Variants in CDH7 observed in about 807,000 individuals in gnomAD.
CDH7 encodes cadherin 7, also known as cadherin-7.
A neutral mutation model predicts 71.8 loss-of-function variants in CDH7; 25 were observed. The ratio of observed to expected loss-of-function variants is 0.35; its 90% confidence interval spans 0.25 to 0.49. The LOEUF (loss-of-function observed/expected upper bound fraction) is 0.49. Among genes scored for constraint, CDH7 ranks in the 20% least tolerant of loss-of-function variants. CDH7 has a pLI of 0.99. For synonymous variants in CDH7, 381 were observed against 363.8 expected, an observed-to-expected ratio of 1.05 and a Z score of -0.54; for missense variants, 862 against 974.6, an observed-to-expected ratio of 0.88 and a Z score of 1.54.
chr18:65,815,221 C>T (rs550937617), intron 4 of CDH7, among the ~76,000 whole-genome samples: 2 of 152,194 alleles, frequency 1.3e-5, no homozygotes, highest in South Asian at 4.1e-4. Context: ...AAGACTATAA[C>T]ATGGGACATT....
intron 2 of CDH7, 93 bp from the exon 3 acceptor site, chr18:65,809,611 G>T: frequency 9.6e-7 from 1 of 1,039,474 alleles, no homozygotes; most frequent in Non-Finnish European, 1.4e-6. Context: ...AAAATTTCAT[G>T]TACTCCTGCC....
chr18:65,807,213 G>A (rs2143899413), intron 2 of CDH7, among the ~76,000 whole-genome samples: 1 of 152,236 alleles, frequency 6.6e-6, no homozygotes, highest in African/African-American at 2.4e-5. Context: ...TTCTGATGCT[G>A]TCAGTAATGG....
rs1195595544 is a variant in CDH7 at position 65,880,783 on chromosome 18, T to G, written c.2247T>G (p.Asp749Glu). ...GSVAESLSSL[D>E]SISSNSDQNY... ...TTGCTGAATCACTCAGCTCTTTAGATTCCATCAGCTCAAACTCTGATCAGA... is the reference window on the plus strand; with the variant it reads ...TTGCTGAATCACTCAGCTCTTTAGAGTCCATCAGCTCAAACTCTGATCAGA... Residue 749 changes from aspartate (D) to glutamate (E), a missense_variant, in exon 12 of 12, where the codon GAT (aspartate) becomes GAG (glutamate). Physicochemically the swap from Asp to Glu is conservative, Grantham distance 45. Coordinates refer to ENST00000397968, the MANE Select transcript of CDH7 (RefSeq NM_004361.5). 2 of 1,614,028 alleles carry G rather than the reference T, an allele frequency of 1.2e-6. No individual in the cohort carries two copies. Among genetic ancestry groups the G allele is most frequent in the Non-Finnish European group, 1.7e-6 (2 of 1,180,006 alleles).
intron 1 of CDH7, among the ~76,000 whole-genome samples, chr18:65,761,324 A>G (rs903495612): frequency 6.6e-6 from 1 of 151,438 alleles, no homozygotes; most frequent in African/African-American, 2.4e-5. Flanking sequence ...GTATGTATGT[A>G]TATATTTGTT....
intron 2 of CDH7, among the ~76,000 whole-genome samples, chr18:65,799,233 A>G (rs565215428): frequency 1.3e-5 from 2 of 152,042 alleles, no homozygotes; most frequent in Admixed American, 1.3e-4. Context: ...ACCTACGAGG[A>G]TTGTGACACT....
Position 65,882,095 on chromosome 18 carries a change from G to C in CDH7, c.*1201G>C, listed in dbSNP as rs1197705278. 1 of 152,048 alleles carries C rather than the reference G, an allele frequency of 6.6e-6. No homozygotes were observed. The highest frequency in any genetic ancestry group is 2.4e-5 in the African/African-American group (1 of 41,408). The allele number at this position is 152,048 out of a possible 1,614,324, so 9.4% of individuals were successfully genotyped here. ...GCAAACCTATTGAGTAAAATATTGA[G>C]TTTTTAAAAGTCTTAATATAATGTT... On this transcript the variant is annotated 3_prime_UTR_variant, in exon 12 of 12. Transcript: ENST00000397968.
chr18:65,872,659 G>T (rs1913962362), intron 11 of CDH7, among the ~76,000 whole-genome samples: 1 of 152,064 alleles, frequency 6.6e-6, no homozygotes, highest in Non-Finnish European at 1.5e-5. Flanking sequence ...AGTTTGGGAG[G>T]ATGAGGCCAG....
At chr18:65,853,926 T>TATATATATATATATATCC (rs1913246697) in intron 7 of CDH7, among the ~76,000 whole-genome samples, 3 of 95,062 alleles carry the variant, frequency 3.2e-5, no homozygotes, top group African/African-American at 1.2e-4. Context: ...TATATATATA[T>TATATATATATATATATCC]ATATATATAT....
intron 2 of CDH7, among the ~76,000 whole-genome samples, chr18:65,773,440 G>C (rs1916604789): frequency 6.6e-6 from 1 of 151,986 alleles, no homozygotes; most frequent in Non-Finnish European, 1.5e-5. Context: ...GAAATTCTTT[G>C]TACAAATCCC....
At position 65,880,994 on chromosome 18, in the gene CDH7, A is replaced by C; in HGVS notation, c.*100A>C. The C allele has an allele frequency of 8.8e-7, 1 of 1,135,742 alleles. No individual in the cohort carries two copies. The highest frequency in any genetic ancestry group is 1.2e-6 in the Non-Finnish European group (1 of 827,132). 70.4% of individuals were successfully genotyped at this position (1,135,742 alleles called of 1,614,324 possible). On this transcript the variant is annotated 3_prime_UTR_variant, in exon 12 of 12. Coordinates refer to ENST00000397968, the MANE Select transcript of CDH7 (RefSeq NM_004361.5). ...AAACCACTACATACAGAAAACAAGA[A>C]CTCCCCTTGCTGGAGACAGATGGTT...
rs772819952 is a variant in CDH7, at chr18:65,859,698, C to T, written c.1495-10C>T. 1.3e-6 allele frequency: 2 copies of T among 1,543,962 alleles called. No homozygotes were observed. Among genetic ancestry groups the T allele is most frequent in the Non-Finnish European group, 1.8e-6 (2 of 1,116,376 alleles). On this transcript the variant is annotated splice_polypyrimidine_tract_variant and intron_variant, in intron 9 of 11. Coordinates refer to ENST00000397968, the MANE Select transcript of CDH7 (RefSeq NM_004361.5). ...AATGTGCTTTCATCTTTTACTTTCT[C>T]TTTTCCTAGGTTATCCAGAAAATCA...
intron 1 of CDH7, among the ~76,000 whole-genome samples, chr18:65,755,168 G>T (rs568238472): frequency 6.6e-6 from 1 of 152,270 alleles, no homozygotes; most frequent in Admixed American, 6.5e-5. Flanking sequence ...CTTATTACCA[G>T]AATGAGCAAT....
At chr18:65,829,839 T>A (rs1244771647) in intron 6 of CDH7, among the ~76,000 whole-genome samples, 1 of 150,398 alleles carries the variant, frequency 6.6e-6, no homozygotes, top group Non-Finnish European at 1.5e-5. Context: ...GGAACTGGTC[T>A]AATCATGGAA....
At chr18:65,812,356 A>G (rs1223686084) in intron 3 of CDH7, among the ~76,000 whole-genome samples, 1 of 152,198 alleles carries the variant, frequency 6.6e-6, no homozygotes, top group African/African-American at 2.4e-5. Flanking sequence ...TGATGTCTTC[A>G]GGGTGTACTT....
chr18:65,847,112 C>T (rs1912962425), intron 7 of CDH7, among the ~76,000 whole-genome samples: 1 of 152,068 alleles, frequency 6.6e-6, no homozygotes, highest in Non-Finnish European at 1.5e-5. Flanking sequence ...ACTCCAGTAA[C>T]TATCAAAATG....
At chr18:65,815,937 T>C (rs765026187) in intron 4 of CDH7, among the ~76,000 whole-genome samples, 12 of 152,158 alleles carry the variant, frequency 7.9e-5, no homozygotes, top group Non-Finnish European at 1.8e-4. Context: ...TCCTGCCTTA[T>C]ATAACTTGTC....
chr18:65,840,402 C>CTT lies in CDH7; in HGVS notation c.982-3401_982-3400dup, dbSNP rs35021972. Among the ~76,000 whole-genome samples the CTT allele has an allele frequency of 2.3e-3, 344 of 149,760 alleles. 1 individual carries two copies. Among genetic ancestry groups the CTT allele is most frequent in the African/African-American group, 7.8e-3 (319 of 40,876 alleles). Reference sequence around the variant, plus strand: ...TAGAGATGCTAAAAGAGAAGCAGCGCTTTTTTTTTTAACCCTGGTTAAATT... The same window carrying CTT: ...TAGAGATGCTAAAAGAGAAGCAGCGCTTTTTTTTTTTTAACCCTGGTTAAATT... On this transcript the variant is annotated intron_variant, in intron 6 of 11. Coordinates refer to ENST00000397968, the MANE Select transcript of CDH7 (RefSeq NM_004361.5).
At chr18:65,876,448 A>AAAATATGTT (rs1428566578) in intron 11 of CDH7, among the ~76,000 whole-genome samples, 1 of 151,964 alleles carries the variant, frequency 6.6e-6, no homozygotes, top group East Asian at 1.9e-4. Flanking sequence ...TTGTTCTTGG[A>AAAATATGTT]CCTGTAGGGC....
At chr18:65,843,597 G>T (rs1184797610) in intron 6 of CDH7, among the ~76,000 whole-genome samples, 1 of 152,150 alleles carries the variant, frequency 6.6e-6, no homozygotes, top group East Asian at 1.9e-4. Flanking sequence ...TAGCAGCAGA[G>T]TGGATGAAGT....
Sources: allele counts gnomAD v4.1 joint callset (sites outside exome capture counted in the v4.1 genomes callset), GRCh38; gene constraint gnomAD v4.1.1; transcripts MANE v1.5; gene names NCBI Gene and HGNC (gene_info 2026-07-23, HGNC 2026-07-21).